The following THRB variants were observed in gnomAD, a reference collection of about 807,000 sequenced individuals.
THRB encodes the protein thyroid hormone receptor beta.
A neutral mutation model predicts 47.8 loss-of-function variants in THRB; 12 were observed. That is an observed-to-expected ratio of 0.25 (90% CI 0.16 to 0.41). The LOEUF is 0.41. THRB is among the 10% of genes least tolerant of loss of function. The pLI is 1.00. For synonymous variants in THRB, 218 were observed against 212.2 expected, an observed-to-expected ratio of 1.03 and a Z score of -0.24; for missense variants, 348 against 589.2, an observed-to-expected ratio of 0.59 and a Z score of 4.24.
intron 3 of THRB, among the ~76,000 whole-genome samples, chr3:24,232,231 CATTT>C (rs1179999358): frequency 6.6e-6 from 1 of 152,210 alleles, no homozygotes; most frequent in Non-Finnish European, 1.5e-5. Flanking sequence ...ATGGGTCATT[CATTT>C]GTTTGGTTAT....
At chr3:24,417,579 G>A (rs1051411615) in intron 1 of THRB, among the ~76,000 whole-genome samples, 1 of 151,838 alleles carries the variant, frequency 6.6e-6, no homozygotes, top group Non-Finnish European at 1.5e-5. Flanking sequence ...TAGCGTATTA[G>A]TAAGTCTAGG....
chr3:24,479,258 C>G (rs912487594), intron 1 of THRB, among the ~76,000 whole-genome samples: 1 of 152,162 alleles, frequency 6.6e-6, no homozygotes, highest in Non-Finnish European at 1.5e-5. Context: ...GCTGAGATTG[C>G]GCCACCGCAC....
intron 1 of THRB, among the ~76,000 whole-genome samples, chr3:24,355,164 C>G (rs1486284837): frequency 2.0e-5 from 3 of 152,058 alleles, no homozygotes; most frequent in Admixed American, 2.0e-4. Context: ...ATATGATGCA[C>G]TGAGAAGGAC....
At chr3:24,168,874 G>A (rs147095173) in intron 5 of THRB, among the ~76,000 whole-genome samples, 103 of 151,912 alleles carry the variant, frequency 6.8e-4, no homozygotes, top group South Asian at 4.6e-3. Context: ...CTTGGCATGG[G>A]GACACAGGAG....
chr3:24,409,089 G>A (rs1020049028), intron 1 of THRB, among the ~76,000 whole-genome samples: 2 of 151,822 alleles, frequency 1.3e-5, no homozygotes, highest in African/African-American at 4.8e-5. Context: ...TCTAAAGGAA[G>A]TGGTGGAAAT....
At chr3:24,493,187 GTT>G (rs1440993530) in intron 1 of THRB, among the ~76,000 whole-genome samples, 2 of 152,180 alleles carry the variant, frequency 1.3e-5, no homozygotes, top group Admixed American at 6.5e-5. Context: ...ACTGAAACAC[GTT>G]TTTCATTGTT....
intron 4 of THRB, among the ~76,000 whole-genome samples, chr3:24,200,123 G>T (rs530017789): frequency 6.6e-6 from 1 of 152,280 alleles, no homozygotes; most frequent in South Asian, 2.1e-4. Context: ...TACAGTGGTT[G>T]CAGAAACATT....
chr3:24,412,904 G>A (rs1251185011), intron 1 of THRB, among the ~76,000 whole-genome samples: 1 of 151,700 alleles, frequency 6.6e-6, no homozygotes, highest in African/African-American at 2.4e-5. Context: ...TTTAAAATAT[G>A]TGAGAAAAAA....
chr3:24,132,477 C>A (rs1383348639), intron 9 of THRB, among the ~76,000 whole-genome samples: 1 of 152,208 alleles, frequency 6.6e-6, no homozygotes, highest in Admixed American at 6.5e-5. Context: ...TATTATCCCA[C>A]TTAAAAAACC....
Position 24,119,872 on chromosome 3 carries a change from C to T in THRB, c.*3012G>A, listed in dbSNP as rs1483778667. ...TACACTTGAGGGTCACACACGCACG[C>T]GCATACACTCACACGCACACACGCC... On this transcript the variant is annotated 3_prime_UTR_variant, in exon 11 of 11. Transcript: ENST00000646209. The T allele has an allele frequency of 1.3e-5, 2 of 152,232 alleles. No homozygotes were observed. Among genetic ancestry groups the T allele is most frequent in the South Asian group, 2.1e-4 (1 of 4,830 alleles). 9.4% of individuals were successfully genotyped at this position (152,232 alleles called of 1,614,324 possible).
At chr3:24,177,004 T>C (rs2041245887) in intron 5 of THRB, among the ~76,000 whole-genome samples, 1 of 152,206 alleles carries the variant, frequency 6.6e-6, no homozygotes, top group Admixed American at 6.5e-5. Flanking sequence ...CTTGAGTTAA[T>C]TAAGACTGAT....
intron 1 of THRB, among the ~76,000 whole-genome samples, chr3:24,370,971 G>A (rs1340318710): frequency 6.6e-6 from 1 of 152,152 alleles, no homozygotes; most frequent in Admixed American, 6.6e-5. Context: ...CAAAAGAGCT[G>A]TAGAAAAGGG....
chr3:24,207,845 G>C (rs1355814085), intron 4 of THRB, among the ~76,000 whole-genome samples: 1 of 152,168 alleles, frequency 6.6e-6, no homozygotes, highest in Non-Finnish European at 1.5e-5. Flanking sequence ...GTTCTGGCCA[G>C]GGCAATCAGG....
chr3:24,463,973 G>T (rs967463959), intron 1 of THRB, among the ~76,000 whole-genome samples: 3 of 152,178 alleles, frequency 2.0e-5, no homozygotes, highest in African/African-American at 7.2e-5. Flanking sequence ...GCGGCTGGGC[G>T]CGGTGGCTCA....
At chr3:24,383,276 T>C (rs2065846287) in intron 1 of THRB, among the ~76,000 whole-genome samples, 2 of 152,214 alleles carry the variant, frequency 1.3e-5, no homozygotes, top group South Asian at 4.1e-4. Flanking sequence ...TTTATCTAAC[T>C]ATTTACCTGT....
Position 24,364,026 on chromosome 3 carries a change from T to C in THRB, c.-260-26655A>G, listed in dbSNP as rs182250168. Among the ~76,000 whole-genome samples the C allele has an allele frequency of 2.8e-3, 428 of 152,278 alleles. 1 individual carries two copies. Among genetic ancestry groups the C allele is most frequent in the Non-Finnish European group, 4.8e-3 (328 of 68,020 alleles). ...GTTCAATCCACATATCCAAAATGAC[T>C]GTCTTGAACTGCAAACATTAGAATT... On this transcript the variant is annotated intron_variant, in intron 1 of 10. Coordinates refer to ENST00000646209, the MANE Select transcript of THRB (RefSeq NM_001354712.2).
Position 24,122,923 on chromosome 3 carries a change from T to C in THRB, c.1347A>G (p.Glu449=). 6.2e-7 allele frequency: 1 copy of C among 1,613,660 alleles called. No homozygotes were observed. ...CTTCCAAGAACAAAGGGGGGAAGAG[T>C]TCTGTGGGGCATTCCACCTTCATGT... ...FLHMKVECPT[E]LFPPLFLEVF... is the part of the protein sequence containing the mutation. Residue 449 remains glutamate, a synonymous_variant, in exon 11 of 11, where the codon GAA becomes GAG. Coordinates refer to ENST00000646209, the MANE Select transcript of THRB (RefSeq NM_001354712.2).
chr3:24,186,397 G>T (rs2042574679), intron 5 of THRB, among the ~76,000 whole-genome samples: 1 of 138,498 alleles, frequency 7.2e-6, no homozygotes, highest in Non-Finnish European at 1.6e-5. Context: ...TTCAAATTGT[G>T]ATTAAAGTGC....
At chr3:24,351,789 G>A (rs755052109) in intron 1 of THRB, among the ~76,000 whole-genome samples, 19 of 152,274 alleles carry the variant, frequency 1.2e-4, no homozygotes, top group Non-Finnish European at 1.8e-4. Context: ...TCCCACCTCT[G>A]TAACAATGTC....
Sources: gnomAD v4.1 joint callset for allele counts (sites outside exome capture counted in the v4.1 genomes callset) on GRCh38, gnomAD v4.1.1 for gene constraint, MANE v1.5 for transcripts, NCBI Gene and HGNC (gene_info 2026-07-23, HGNC 2026-07-21) for gene names.